Variants in TBXAS1 observed in about 807,000 individuals in gnomAD.
TBXAS1 encodes thromboxane-A synthase.
In TBXAS1, 48 loss-of-function variants were observed where a neutral mutation model predicts 60.7. The ratio of observed to expected loss-of-function variants is 0.79; its 90% CI spans 0.63 to 1.01. TBXAS1 has a LOEUF of 1.01. Among genes scored for constraint, TBXAS1 ranks in the 50% least tolerant of loss-of-function variants. TBXAS1 has a pLI of 0.00. For synonymous variants in TBXAS1, 287 were observed against 269.7 expected (o/e 1.06, Z -0.63); for missense variants, 685 against 686.3 (o/e 1.00, Z 0.02).
At position 139,953,804 on chromosome 7, in the gene TBXAS1, A is replaced by C. The variant is rs188749320; in HGVS notation, c.539+348A>C. Among the ~76,000 whole-genome samples the C allele has an allele frequency of 4.9e-3, 747 of 152,330 alleles. 24 individuals are homozygous for C. Among genetic ancestry groups the C allele is most frequent in the Admixed American group, 0.046 (708 of 15,308 alleles). On this transcript the variant is annotated intron_variant, in intron 6 of 12. Transcript: ENST00000448866. ...AAAATTGTGGTGCACCTCAGCCCAGAAGCTATAATTTAGTGGTGGACACCA... is the reference window on the plus strand; with the variant it reads ...AAAATTGTGGTGCACCTCAGCCCAGCAGCTATAATTTAGTGGTGGACACCA...
chr7:139,912,940 C>G, intron 4 of TBXAS1: 1 of 598,898 alleles, frequency 1.7e-6, no homozygotes, highest in East Asian at 2.8e-5. Flanking sequence ...TGTGCCATCT[C>G]TCAACTTAAG....
chr7:139,784,767 T>G (rs1797133126), intron 3 of TBXAS1, among the ~76,000 whole-genome samples: 1 of 152,194 alleles, frequency 6.6e-6, no homozygotes, highest in Non-Finnish European at 1.5e-5. Flanking sequence ...GAGTCTAAAG[T>G]ACCTATGAGA....
At chr7:139,974,313 AGGCAGGCACTGCCTCTCTCT>A (rs1811413541) in intron 9 of TBXAS1, among the ~76,000 whole-genome samples, 1 of 152,198 alleles carries the variant, frequency 6.6e-6, no homozygotes, top group Non-Finnish European at 1.5e-5. Flanking sequence ...CCCTCACCAG[AGGCAGGCACTGCCTCTCTCT>A]GGGACACTCG....
Position 139,860,889 on chromosome 7 carries a change from C to T in TBXAS1, c.90-11346C>T, listed in dbSNP as rs183286640. 1.0e-3 allele frequency among the ~76,000 whole-genome samples: 156 copies of T among 152,302 alleles called. 1 individual carries two copies. Among genetic ancestry groups the T allele is most frequent in the Non-Finnish European group, 2.0e-3 (134 of 68,024 alleles). On this transcript the variant is annotated intron_variant, in intron 1 of 12. Coordinates refer to ENST00000448866, the MANE Select transcript of TBXAS1 (RefSeq NM_001061.7). ...ATAAGTTTACCTAAAAATATTCCTTCGCAGCCGGGGGCGGTGGCTCATGCC... is the reference window on the plus strand; with the variant it reads ...ATAAGTTTACCTAAAAATATTCCTTTGCAGCCGGGGGCGGTGGCTCATGCC...
intron 5 of TBXAS1, among the ~76,000 whole-genome samples, chr7:139,937,155 A>T (rs1473747606): frequency 6.6e-6 from 1 of 152,164 alleles, no homozygotes; most frequent in Non-Finnish European, 1.5e-5. Context: ...GTGCAACCAC[A>T]AGGGAGAGAG....
chr7:139,812,184 A>G (rs1585541799), intron 4 of TBXAS1, among the ~76,000 whole-genome samples: 1 of 152,340 alleles, frequency 6.6e-6, no homozygotes. Flanking sequence ...AAAAATAGCT[A>G]GATAGAAACT....
rs1379764762 is a variant in TBXAS1, at chr7:140,013,318, GTTTATC to G, written c.1227-2402_1227-2397del. Among the ~76,000 whole-genome samples the G allele has an allele frequency of 6.6e-6, 1 of 152,192 alleles. No homozygotes were observed. Among genetic ancestry groups the G allele is most frequent in the Admixed American group, 6.5e-5 (1 of 15,282 alleles). On this transcript the variant is annotated intron_variant, in intron 10 of 12. Transcript: ENST00000448866. This position sits in a 1 kb window ranked among gnomAD's most constrained non-coding sequence, Gnocchi z 4.2. ...AGTGAAGCTGTTTCTTGGTTCAGAG[GTTTATC>G]TTCCTCGGCAAGAATTTTCTGGAGC...
chr7:139,901,922 G>T (rs1306148433), intron 3 of TBXAS1, among the ~76,000 whole-genome samples: 1 of 151,930 alleles, frequency 6.6e-6, no homozygotes, highest in African/African-American at 2.4e-5. Context: ...AAGCTCCCCA[G>T]TGACTTTTTA....
chr7:139,874,739 C>T (rs1052665503), intron 2 of TBXAS1, among the ~76,000 whole-genome samples: 1 of 152,112 alleles, frequency 6.6e-6, no homozygotes, highest in Non-Finnish European at 1.5e-5. Context: ...TCCATTCCCA[C>T]CACACAATGG....
intron 5 of TBXAS1, among the ~76,000 whole-genome samples, chr7:139,936,761 C>T (rs1280264567): frequency 6.6e-6 from 1 of 152,184 alleles, no homozygotes; most frequent in Non-Finnish European, 1.5e-5. Context: ...GACAATGAAC[C>T]ACACTTTACA....
intron 3 of TBXAS1, among the ~76,000 whole-genome samples, chr7:139,902,654 C>A (rs567354348): frequency 3.9e-5 from 6 of 152,158 alleles, no homozygotes; most frequent in Admixed American, 6.5e-5. Flanking sequence ...TGGGTCATAG[C>A]ATAAGTATGT....
At chr7:139,947,491 C>A (rs1311317349) in intron 5 of TBXAS1, among the ~76,000 whole-genome samples, 1 of 152,184 alleles carries the variant, frequency 6.6e-6, no homozygotes. Flanking sequence ...GTGCGGCAAA[C>A]CACCATGGCA....
rs373551973 is a variant in TBXAS1 at position 139,965,859 on chromosome 7, T to C, written c.1134+3626T>C. Among the ~76,000 whole-genome samples the C allele has an allele frequency of 1.1e-4, 17 of 152,120 alleles. No individual in the cohort carries two copies. In the South Asian group the frequency reaches 3.5e-3, roughly 32 times the overall value. On this transcript the variant is annotated intron_variant, in intron 9 of 12. Coordinates refer to ENST00000448866, the MANE Select transcript of TBXAS1 (RefSeq NM_001061.7). ...ATATTGGTAGGTTTTCTTTTTTTCT[T>C]TTCTTTCTTTCCTTCTTTTATTTTT...
intron 9 of TBXAS1, among the ~76,000 whole-genome samples, chr7:139,974,784 TTGA>T (rs533038169): frequency 6.6e-6 from 1 of 152,188 alleles, no homozygotes; most frequent in Non-Finnish European, 1.5e-5. Flanking sequence ...TCCACTGTTA[TTGA>T]TGATGATGAT....
chr7:139,930,962 G>A (rs1431199002), intron 4 of TBXAS1, among the ~76,000 whole-genome samples: 1 of 152,030 alleles, frequency 6.6e-6, no homozygotes, highest in African/African-American at 2.4e-5. Flanking sequence ...CCTAGGTTTG[G>A]GGTTTGGGTT....
intron 3 of TBXAS1, among the ~76,000 whole-genome samples, chr7:139,898,404 C>T (rs1203035331): frequency 2.1e-5 from 3 of 140,052 alleles, no homozygotes; most frequent in African/African-American, 8.4e-5. Context: ...AGTTTCCCAA[C>T]GTGCATGGCT....
At chr7:140,016,154 C>T (rs951349073) in intron 11 of TBXAS1, among the ~76,000 whole-genome samples, 15 of 151,884 alleles carry the variant, frequency 9.9e-5, no homozygotes, top group East Asian at 1.9e-4. Flanking sequence ...CGGTGAAACC[C>T]CATCTCTACT....
intron 3 of TBXAS1, among the ~76,000 whole-genome samples, chr7:139,783,106 C>T (rs1797053942): frequency 6.6e-6 from 1 of 152,068 alleles, no homozygotes; most frequent in Non-Finnish European, 1.5e-5. Flanking sequence ...ACATTTCATT[C>T]AAATGAGGAA....
At chr7:139,926,507 C>T (rs965529343) in intron 4 of TBXAS1, among the ~76,000 whole-genome samples, 1 of 152,054 alleles carries the variant, frequency 6.6e-6, no homozygotes, top group Non-Finnish European at 1.5e-5. Flanking sequence ...ATTTTATTTA[C>T]TTGAGCCTTC....
Sources: gnomAD v4.1 joint callset for allele counts (sites outside exome capture counted in the v4.1 genomes callset) on GRCh38, gnomAD v4.1.1 for gene constraint, Gnocchi (gnomAD v3.1) non-coding constraint, MANE v1.5 for transcripts, NCBI Gene and HGNC (gene_info 2026-07-23, HGNC 2026-07-21) for gene names.